Variants in EOGT observed in about 807,000 individuals in gnomAD.
The protein encoded by EOGT is EGF domain-specific O-linked N-acetylglucosamine transferase.
EOGT carries 55 observed loss-of-function variants against 70.5 expected under a neutral mutation model. The ratio of observed to expected loss-of-function variants is 0.78; its 90% CI spans 0.63 to 0.98. The LOEUF (loss-of-function observed/expected upper bound fraction) is 0.98, where lower values mean the gene tolerates loss of function less well. Among genes scored for constraint, EOGT ranks in the 50% least tolerant of loss-of-function variants. EOGT has a pLI of 0.00. For missense variants in EOGT, 703 were observed against 641.9 expected (o/e 1.10, Z -1.03); for synonymous variants, 246 against 217.1 (o/e 1.13, Z -1.17).
Position 68,988,393 on chromosome 3 carries a change from A to G in EOGT, c.997-12T>C. 1.3e-6 allele frequency: 2 copies of G among 1,529,996 alleles called. No homozygotes were observed. The highest frequency in any genetic ancestry group is 2.7e-5 in the African/African-American group (2 of 73,032). The allele number at this position is 1,529,996 out of a possible 1,614,324, so 94.8% of individuals were successfully genotyped here. A position where few individuals can be genotyped will look rare whatever the true frequency, so the allele number is the denominator to read the frequency against. On this transcript the variant is annotated splice_polypyrimidine_tract_variant and intron_variant, in intron 12 of 17. Transcript: ENST00000383701. ...TGACAGCCAGATATCTAAAATAAAA[A>G]CACTGGTTCATATTACAATGAATAC... is the stretch of plus-strand genomic sequence containing the variant.
chr3:68,989,000 A>C lies in EOGT; in HGVS notation c.849T>G (p.Gly283=). Residue 283 remains glycine (G), a synonymous_variant, in exon 11 of 18, where the codon GGT becomes GGG. Transcript: ENST00000383701. ...CATTCCATGTGTCGGAGAATAGGTCACCATATCCGTAAGAACTCTGAAAGT... is the reference window on the plus strand; with the variant it reads ...CATTCCATGTGTCGGAGAATAGGTCCCCATATCCGTAAGAACTCTGAAAGT... ...VMWDTSSYGY[G]DLFSDTWNAF... is the part of the protein sequence containing the mutation. 3 of 1,528,466 alleles carry C rather than the reference A, an allele frequency of 2.0e-6. No individual in the cohort carries two copies. The highest frequency in any genetic ancestry group is 2.6e-6 in the Non-Finnish European group (3 of 1,141,748). 94.7% of individuals were successfully genotyped at this position (1,528,466 alleles called of 1,614,324 possible). A position where few individuals can be genotyped will look rare whatever the true frequency, so the allele number is the denominator to read the frequency against.
chr3:68,981,419 C>G (rs976109355), intron 15 of EOGT, among the ~76,000 whole-genome samples: 3 of 152,182 alleles, frequency 2.0e-5, no homozygotes, highest in African/African-American at 7.2e-5. Flanking sequence ...ATATTAGATA[C>G]CCACATGCTG....
chr3:69,009,502 T>C, intron 4 of EOGT, 135 bp downstream of exon 4: 1 of 639,886 alleles, frequency 1.6e-6, no homozygotes, highest in Non-Finnish European at 2.7e-6. Context: ...AAGTATTATA[T>C]GAAACAATGA....
chr3:68,992,546 C>G (rs532236650), intron 10 of EOGT, among the ~76,000 whole-genome samples: 1 of 152,296 alleles, frequency 6.6e-6, no homozygotes, highest in South Asian at 2.1e-4. Context: ...GCTGCTTTCA[C>G]GGGCTGGCAT....
chr3:69,000,898 G>C (rs1033378702), intron 9 of EOGT, among the ~76,000 whole-genome samples: 6 of 151,568 alleles, frequency 4.0e-5, no homozygotes, highest in Admixed American at 2.0e-4. Context: ...GATACAGAAA[G>C]TTTGTCAGCG....
intron 9 of EOGT, 117 bp downstream of exon 9, chr3:69,001,491 A>AG (rs1369574404): frequency 1.8e-4 from 116 of 628,846 alleles, no homozygotes; most frequent in Non-Finnish European, 1.1e-5. Flanking sequence ...AGCAAAAAAA[A>AG]CAAATCTACT....
In EOGT at chr3:69,009,758, G is replaced by T. The variant is rs1011610646; in HGVS notation, c.89C>A (p.Pro30Gln). 1 of 1,614,006 alleles carries T rather than the reference G, an allele frequency of 6.2e-7. No homozygotes were observed. Among genetic ancestry groups the T allele is most frequent in the Non-Finnish European group, 8.5e-7 (1 of 1,179,984 alleles). ...GGCATAGTTATACAGAGGTTCGCCT[G>T]GAATGCTGTGAGTATTAGGAGGAGC... ...NEAPPNTHSI[P>Q]GEPLYNYASI... The change falls in exon 4 of 18, where the codon CCA becomes CAA. Residue 30 changes from proline to glutamine, a missense_variant. Pro to Gln is a moderately conservative substitution (Grantham distance 76). Coordinates refer to ENST00000383701, the MANE Select transcript of EOGT (RefSeq NM_001278689.2).
chr3:68,981,370 A>G (rs1313468326), intron 15 of EOGT, among the ~76,000 whole-genome samples: 1 of 152,122 alleles, frequency 6.6e-6, no homozygotes, highest in Admixed American at 6.5e-5. Flanking sequence ...ATGAAGTGCA[A>G]AGCTCCCATG....
In EOGT at chr3:69,009,760, A is replaced by T; in HGVS notation, c.87T>A (p.Ile29=). Residue 29 remains isoleucine (I), a synonymous_variant, in exon 4 of 18, where the codon ATT becomes ATA. Transcript: ENST00000383701. ...QNEAPPNTHS[I]PGEPLYNYAS... The stretch of plus-strand genomic sequence containing the variant: ...CATAGTTATACAGAGGTTCGCCTGG[A>T]ATGCTGTGAGTATTAGGAGGAGCTT... 1 of 1,614,094 alleles carries T rather than the reference A, an allele frequency of 6.2e-7. No individual in the cohort carries two copies. Among genetic ancestry groups the T allele is most frequent in the Non-Finnish European group, 8.5e-7 (1 of 1,180,010 alleles).
intron 8 of EOGT, among the ~76,000 whole-genome samples, chr3:69,003,535 T>C (rs2107351711): frequency 6.6e-6 from 1 of 152,354 alleles, no homozygotes; most frequent in East Asian, 1.9e-4. Flanking sequence ...CTACCATGAT[T>C]GTGAGGCCTC....
At chr3:68,995,052 C>T (rs1453795152) in intron 10 of EOGT, among the ~76,000 whole-genome samples, 1 of 148,792 alleles carries the variant, frequency 6.7e-6, no homozygotes, top group African/African-American at 2.6e-5. Context: ...CCATAGGCTT[C>T]CTTGTGATGA....
At chr3:68,991,171 A>C (rs1279306861) in intron 10 of EOGT, among the ~76,000 whole-genome samples, 5 of 152,224 alleles carry the variant, frequency 3.3e-5, no homozygotes, top group Non-Finnish European at 7.3e-5. Flanking sequence ...AACCACCTCC[A>C]AAAGCTTCTT....
chr3:68,991,195 A>T (rs952539285), intron 10 of EOGT, among the ~76,000 whole-genome samples: 13 of 152,218 alleles, frequency 8.5e-5, no homozygotes, highest in Admixed American at 8.5e-4. Context: ...CATGTTTCCC[A>T]AGTCCAAATT....
chr3:68,990,796 C>T (rs1228663699), intron 10 of EOGT, among the ~76,000 whole-genome samples: 1 of 151,548 alleles, frequency 6.6e-6, no homozygotes, highest in Admixed American at 6.6e-5. Context: ...TACAGTTATA[C>T]ATTATGTTCA....
At chr3:68,990,901 GAAAA>G (rs10576244) in intron 10 of EOGT, among the ~76,000 whole-genome samples, 1 of 132,444 alleles carries the variant, frequency 7.6e-6, no homozygotes, top group Non-Finnish European at 1.6e-5. Context: ...TGTTAGATGT[GAAAA>G]AAAAAAAAAA....
chr3:69,010,880 C>G (rs1437871555), intron 3 of EOGT, among the ~76,000 whole-genome samples: 1 of 152,146 alleles, frequency 6.6e-6, no homozygotes, highest in African/African-American at 2.4e-5. Flanking sequence ...CGCTTCTGTA[C>G]TCAGGATACA....
chr3:68,987,121 A>G (rs2090833520), intron 14 of EOGT, among the ~76,000 whole-genome samples: 1 of 152,226 alleles, frequency 6.6e-6, no homozygotes, highest in South Asian at 2.1e-4. Flanking sequence ...TGTTGCATCA[A>G]CTATGCAAAA....
chr3:69,012,210 C>T (rs929163934), intron 2 of EOGT, among the ~76,000 whole-genome samples: 2 of 152,202 alleles, frequency 1.3e-5, no homozygotes, highest in Admixed American at 6.5e-5. Context: ...CAACTCGGAC[C>T]AGATTCCAAT....
At chr3:68,977,797 C>T in intron 17 of EOGT, 33 bp from the exon 18 acceptor site, 1 of 1,591,758 alleles carries the variant, frequency 6.3e-7, no homozygotes, top group Non-Finnish European at 8.5e-7. Flanking sequence ...GAATCCATAA[C>T]TCAATGAGGG....
Sources: gnomAD v4.1 joint callset for allele counts (sites outside exome capture counted in the v4.1 genomes callset) on GRCh38, gnomAD v4.1.1 for gene constraint, MANE v1.5 for transcripts, NCBI Gene and HGNC (gene_info 2026-07-23, HGNC 2026-07-21) for gene names.